The following ITPRID1 variants were observed in gnomAD, a reference collection of about 807,000 sequenced individuals.
ITPRID1 encodes ITPR interacting domain containing 1, also known as protein ITPRID1.
ITPRID1 carries 96 observed loss-of-function variants against 95.4 expected under a neutral mutation model. The ratio of observed to expected loss-of-function variants is 1.01; its 90% CI spans 0.85 to 1.19. ITPRID1 has a LOEUF of 1.19. ITPRID1 is among the 50% of genes most tolerant of loss of function. ITPRID1 has a pLI of 0.00. For synonymous variants in ITPRID1, 510 were observed against 453.6 expected, an observed-to-expected ratio of 1.12 and a Z score of -1.58; for missense variants, 1,339 against 1,252.9, an observed-to-expected ratio of 1.07 and a Z score of -1.04.
Position 31,643,898 on chromosome 7 carries a change from A to G in ITPRID1, c.2528A>G (p.Gln843Arg), listed in dbSNP as rs1790243247. The change falls in exon 12 of 15, where the codon CAG (glutamine) becomes CGG (arginine). Residue 843 changes from glutamine (Q) to arginine (R), a missense_variant. Transcript: ENST00000615280. ...TCACTAACTGGTCACCAGGAAGCCC[A>G]GTTCATGACGACTTTGAAAGCCCTT... ...LCSLTGHQEA[Q>R]FMTTLKALQD... is the part of the protein sequence containing the mutation. 1.2e-6 allele frequency: 2 copies of G among 1,613,916 alleles called. No individual in the cohort carries two copies. Among genetic ancestry groups the G allele is most frequent in the Non-Finnish European group, 1.7e-6 (2 of 1,179,888 alleles).
At chr7:31,628,452 T>A (rs187203234) in intron 10 of ITPRID1, among the ~76,000 whole-genome samples, 185 of 148,962 alleles carry the variant, frequency 1.2e-3, no homozygotes, top group African/African-American at 4.5e-3. Context: ...TGATTCCTTT[T>A]TTTTTTTTCT....
intron 1 of ITPRID1, among the ~76,000 whole-genome samples, chr7:31,538,464 C>T (rs557534788): frequency 1.3e-5 from 2 of 152,276 alleles, no homozygotes; most frequent in Admixed American, 6.5e-5. Context: ...CATAATTGGC[C>T]TTTGTCCCAA....
chr7:31,576,905 C>G (rs917983112), intron 8 of ITPRID1, among the ~76,000 whole-genome samples: 1 of 150,758 alleles, frequency 6.6e-6, no homozygotes, highest in African/African-American at 2.4e-5. Context: ...TCTTGAGATA[C>G]CAAAAATATT....
At chr7:31,567,760 G>A (rs1478877527) in intron 5 of ITPRID1, among the ~76,000 whole-genome samples, 2 of 152,116 alleles carry the variant, frequency 1.3e-5, no homozygotes, top group African/African-American at 4.8e-5. Context: ...TTGTTTTGTA[G>A]AGCAGAGACA....
chr7:31,564,473 C>G (rs1784728024), intron 5 of ITPRID1, among the ~76,000 whole-genome samples: 1 of 152,002 alleles, frequency 6.6e-6, no homozygotes, highest in African/African-American at 2.4e-5. Context: ...AAAACCTAAC[C>G]AGGGTATCCT....
At chr7:31,622,103 A>C (rs1175581213) in intron 10 of ITPRID1, among the ~76,000 whole-genome samples, 2 of 138,992 alleles carry the variant, frequency 1.4e-5, no homozygotes, top group East Asian at 4.2e-4. Flanking sequence ...AGATTCATAA[A>C]GCAAGTCCTG....
rs549350333 is a variant in ITPRID1 at position 31,652,019 on chromosome 7, G to A, written c.2792G>A (p.Arg931Gln). The change falls in exon 14 of 15, where the codon CGG becomes CAG. Residue 931 changes from arginine (R) to glutamine (Q), a missense_variant. Physicochemically the swap from Arg to Gln is conservative, Grantham distance 43. Transcript: ENST00000615280. ...GAGTTGGAATTTCAGTTAGGAGACCGGGCTCAGCAAATCAGAGAAGGGATT... is the reference window on the plus strand; with the variant it reads ...GAGTTGGAATTTCAGTTAGGAGACCAGGCTCAGCAAATCAGAGAAGGGATT... ...VAELEFQLGD[R>Q]AQQIREGILL... 6.0e-5 allele frequency: 96 copies of A among 1,602,948 alleles called. No individual in the cohort carries two copies. The highest frequency in any genetic ancestry group is 4.1e-4 in the South Asian group (36 of 88,390).
chr7:31,639,444 T>A (rs76115130), intron 10 of ITPRID1, among the ~76,000 whole-genome samples: 163 of 143,100 alleles, frequency 1.1e-3, no homozygotes, highest in Admixed American at 1.9e-3. Context: ...GGGTTTTTTT[T>A]AAATATCTTG....
Position 31,519,610 on chromosome 7 carries a change from CTCTCTCTCTCTATATATA to C in ITPRID1, c.-98+5492_-98+5509del, listed in dbSNP as rs1286509144. Among the ~76,000 whole-genome samples the C allele has an allele frequency of 1.5e-3, 76 of 51,322 alleles. 1 individual carries two copies. The highest frequency in any genetic ancestry group is 6.9e-3 in the South Asian group (7 of 1,012). The allele number at this position is 51,322 out of a possible 152,430, so 33.7% of individuals were successfully genotyped here. ...TCTCTCTCTCTCTCTCTCTCTCTCTCTCTCTCTCTCTATATATATATATATATATATATATAAATCTTA... is the reference window on the plus strand; with the variant it reads ...TCTCTCTCTCTCTCTCTCTCTCTCTCTATATATATATATATATAAATCTTA... On this transcript the variant is annotated intron_variant, in intron 1 of 14. Transcript: ENST00000615280.
chr7:31,599,635 T>C (rs374037943), intron 10 of ITPRID1, among the ~76,000 whole-genome samples: 23 of 63,232 alleles, frequency 3.6e-4, no homozygotes, highest in African/African-American at 8.8e-4. Flanking sequence ...CTTTCTTTCT[T>C]TCTTTCTTTC....
intron 10 of ITPRID1, among the ~76,000 whole-genome samples, chr7:31,619,947 G>C (rs1219682634): frequency 1.3e-5 from 2 of 152,192 alleles, no homozygotes; most frequent in East Asian, 3.9e-4. Flanking sequence ...GGCGCACCAG[G>C]AGACTATATC....
chr7:31,541,012 T>C (rs10252105), intron 1 of ITPRID1, among the ~76,000 whole-genome samples: 124,981 of 152,208 alleles, frequency 0.82, 52,496 homozygotes, highest in Non-Finnish European at 0.92. Flanking sequence ...AAAACAGATT[T>C]TTACTGCATT....
intron 9 of ITPRID1, among the ~76,000 whole-genome samples, chr7:31,581,785 G>A (rs1050457100): frequency 7.3e-5 from 11 of 151,698 alleles, no homozygotes; most frequent in Non-Finnish European, 1.5e-5. Flanking sequence ...CCATGATAAT[G>A]GTCATAGCAA....
intron 10 of ITPRID1, among the ~76,000 whole-genome samples, chr7:31,640,724 C>G (rs1194557722): frequency 2.6e-5 from 4 of 151,942 alleles, no homozygotes; most frequent in African/African-American, 9.7e-5. Flanking sequence ...ATTACTACAG[C>G]TTTCCAGAAG....
At chr7:31,619,301 G>T (rs1787572996) in intron 10 of ITPRID1, among the ~76,000 whole-genome samples, 1 of 152,120 alleles carries the variant, frequency 6.6e-6, no homozygotes, top group Non-Finnish European at 1.5e-5. Flanking sequence ...GAAAAGAAAG[G>T]TCCATAAAGT....
chr7:31,549,472 A>G lies in ITPRID1; in HGVS notation c.-51A>G, dbSNP rs1215268022. ...GAAGCAACACACAGAAGAGAAGGAA[A>G]AAGAAAGAAAACTGACCAATATGAG... On this transcript the variant is annotated 5_prime_UTR_variant, in exon 2 of 15. Coordinates refer to ENST00000615280, the MANE Select transcript of ITPRID1 (RefSeq NM_001257967.3). The G allele has an allele frequency of 6.6e-7, 1 of 1,523,380 alleles. No homozygotes were observed. Among genetic ancestry groups the G allele is most frequent in the Non-Finnish European group, 8.8e-7 (1 of 1,142,060 alleles). 94.4% of individuals were successfully genotyped at this position (1,523,380 alleles called of 1,614,324 possible).
chr7:31,643,096 A>G lies in ITPRID1; in HGVS notation c.1726A>G (p.Met576Val). ...GTTTATGGTAACCCACGTCACAGAA[A>G]TGCAGGACAGTTTTGTGAGGCCTGA... ...LGFMVTHVTE[M>V]QDSFVRPEGA... Residue 576 changes from methionine to valine, a missense_variant, in exon 12 of 15, where the codon ATG becomes GTG. Transcript: ENST00000615280. The G allele has an allele frequency of 1.2e-6, 2 of 1,614,006 alleles. No individual in the cohort carries two copies. Among genetic ancestry groups the G allele is most frequent in the Non-Finnish European group, 1.7e-6 (2 of 1,179,896 alleles).
chr7:31,518,477 G>A lies in ITPRID1; in HGVS notation c.-98+4357G>A, dbSNP rs1783118701. The A allele has an allele frequency of 3.3e-5, 5 of 152,380 alleles. 1 individual carries two copies. The highest frequency in any genetic ancestry group is 2.6e-4 in the Admixed American group (4 of 15,276). 9.4% of individuals were successfully genotyped at this position (152,380 alleles called of 1,614,324 possible). On this transcript the variant is annotated intron_variant, in intron 1 of 14. Transcript: ENST00000615280. ...TCAGGGTCCACGGGGAATAGGAATTGGATAGCTGGAGAATGTTGCTGAGTG... is the reference window on the plus strand; with the variant it reads ...TCAGGGTCCACGGGGAATAGGAATTAGATAGCTGGAGAATGTTGCTGAGTG...
At chr7:31,608,952 C>T (rs924964699) in intron 10 of ITPRID1, among the ~76,000 whole-genome samples, 20 of 151,490 alleles carry the variant, frequency 1.3e-4, no homozygotes, top group Admixed American at 3.9e-4. Context: ...ATGATGTTAG[C>T]GATGGCCTTT....
Sources: gnomAD v4.1 joint callset for allele counts (sites outside exome capture counted in the v4.1 genomes callset) on GRCh38, gnomAD v4.1.1 for gene constraint, MANE v1.5 for transcripts, NCBI Gene and HGNC (gene_info 2026-07-23, HGNC 2026-07-21) for gene names.